The following PGPEP1 variants were observed in gnomAD, a reference collection of about 807,000 sequenced individuals.
PGPEP1 encodes the protein pyroglutamyl-peptidase 1.
PGPEP1 carries 15 observed loss-of-function variants against 24.1 expected under a neutral mutation model. The observed-to-expected ratio is 0.62, with a 90% CI of 0.42 to 0.96. The LOEUF is 0.96. PGPEP1 is among the 40% of genes least tolerant of loss of function. The pLI, the probability that PGPEP1 is intolerant of heterozygous loss-of-function variation, is 0.00. For missense variants in PGPEP1, 242 were observed against 273.4 expected (o/e 0.89, Z 0.81); for synonymous variants, 122 against 116.4 (o/e 1.05, Z -0.31).
At chr19:18,350,380 G>T (rs1391414178) in intron 2 of PGPEP1, among the ~76,000 whole-genome samples, 1 of 152,146 alleles carries the variant, frequency 6.6e-6, no homozygotes, top group Non-Finnish European at 1.5e-5. Context: ...GGAGATTAGG[G>T]GAAGACGCAT....
chr19:18,359,634 A>G (rs1971285996), intron 4 of PGPEP1, among the ~76,000 whole-genome samples: 1 of 151,960 alleles, frequency 6.6e-6, no homozygotes, highest in Non-Finnish European at 1.5e-5. Context: ...CAGCCTCCCA[A>G]GTAGCTGGGA....
chr19:18,361,418 C>T (rs1267879863), intron 4 of PGPEP1, among the ~76,000 whole-genome samples: 7 of 151,698 alleles, frequency 4.6e-5, no homozygotes, highest in Non-Finnish European at 8.8e-5. Context: ...GGATTACAGG[C>T]GTGAGCCACC....
intron 1 of PGPEP1, among the ~76,000 whole-genome samples, chr19:18,342,018 C>G (rs1219576032): frequency 6.6e-6 from 1 of 152,134 alleles, no homozygotes; most frequent in Non-Finnish European, 1.5e-5. Flanking sequence ...AGCGATTCTC[C>G]TGCCTCAGCC....
chr19:18,354,427 G>A (rs1379972943), intron 2 of PGPEP1, among the ~76,000 whole-genome samples: 3 of 151,806 alleles, frequency 2.0e-5, no homozygotes, highest in African/African-American at 4.8e-5. Flanking sequence ...CCCGGGAGGC[G>A]GAGCTTGCAG....
At chr19:18,354,961 CTTTTTT>C (rs761843314) in intron 2 of PGPEP1, among the ~76,000 whole-genome samples, 4 of 94,732 alleles carry the variant, frequency 4.2e-5, no homozygotes, top group African/African-American at 1.4e-4. Context: ...TAAGTCGATA[CTTTTTT>C]TTTTTTTTTT....
intron 4 of PGPEP1, among the ~76,000 whole-genome samples, chr19:18,358,759 C>A (rs888599759): frequency 2.0e-5 from 3 of 151,614 alleles, no homozygotes; most frequent in African/African-American, 7.3e-5. Flanking sequence ...GGATTACAGG[C>A]GTGCATCACC....
chr19:18,361,979 T>G lies in PGPEP1; in HGVS notation c.438-1412T>G, dbSNP rs149213064. 708 of 680,380 alleles carry G rather than the reference T, an allele frequency of 1.0e-3. 5 individuals are homozygous for G. In the African/African-American group the frequency reaches 0.013, roughly 13 times the overall value. 42.1% of individuals were successfully genotyped at this position (680,380 alleles called of 1,614,324 possible). On this transcript the variant is annotated intron_variant, in intron 4 of 4. Transcript: ENST00000269919. ...TTCCATGGTGTGGATAAACCAGAGT[T>G]TACTAAGCCACTCCCTGTCAGTGGG...
intron 2 of PGPEP1, among the ~76,000 whole-genome samples, chr19:18,352,105 A>G (rs1167198956): frequency 2.6e-5 from 4 of 151,868 alleles, no homozygotes; most frequent in Non-Finnish European, 4.4e-5. Context: ...CCCCGTCTCT[A>G]CTAAAAATAC....
At chr19:18,354,002 A>C (rs1971110976) in intron 2 of PGPEP1, among the ~76,000 whole-genome samples, 1 of 152,196 alleles carries the variant, frequency 6.6e-6, no homozygotes, top group African/African-American at 2.4e-5. Context: ...TGGGAGGCCA[A>C]GGCAGGTGAA....
rs865930991 is a variant in PGPEP1, at chr19:18,366,501, C to T, written c.*2918C>T. The T allele has an allele frequency of 8.6e-5, 13 of 152,014 alleles. No homozygotes were observed. The highest frequency in any genetic ancestry group is 3.1e-4 in the African/African-American group (13 of 41,392). The allele number at this position is 152,014 out of a possible 1,614,324, so 9.4% of individuals were successfully genotyped here. On this transcript the variant is annotated 3_prime_UTR_variant, in exon 5 of 5. Transcript: ENST00000269919. Reference sequence around the variant, plus strand: ...ATTTTTATTTTTTGAGATGGATTCTCACACTGTTACTCGGGCTAGAGTGCA... The same window carrying T: ...ATTTTTATTTTTTGAGATGGATTCTTACACTGTTACTCGGGCTAGAGTGCA...
At chr19:18,356,065 C>A in intron 3 of PGPEP1, 54 bp downstream of exon 3, 1 of 1,095,868 alleles carries the variant, frequency 9.1e-7, no homozygotes. Context: ...GGTTGGCACC[C>A]TTCATGTGGA....
chr19:18,358,151 G>A (rs753518878), intron 4 of PGPEP1: 10 of 165,744 alleles, frequency 6.0e-5, no homozygotes, highest in Admixed American at 3.4e-4. Flanking sequence ...TCCAGTCCCC[G>A]CCCCTATCCT....
Position 18,359,593 on chromosome 19 carries a change from C to T in PGPEP1, c.437+1978C>T, listed in dbSNP as rs567189857. ...CGCGATCTTGGCTCACTGCAACCTC[C>T]GCCTCTGACGTTCAAGTGATTCTCC... On this transcript the variant is annotated intron_variant, in intron 4 of 4. Coordinates refer to ENST00000269919, the MANE Select transcript of PGPEP1 (RefSeq NM_017712.4). Among the ~76,000 whole-genome samples, 3 of 151,976 alleles carry T rather than the reference C, an allele frequency of 2.0e-5. No individual in the cohort carries two copies. The East Asian group carries it at 5.8e-4, about 29-fold the overall frequency.
At position 18,368,695 on chromosome 19, in the gene PGPEP1, C is replaced by T. The variant is rs566221377; in HGVS notation, c.*5112C>T. The stretch of plus-strand genomic sequence containing the variant: ...AAATCTGTCCCGCACAGCTGGCCCC[C>T]TTTTGGCTGCCACTGTCTAGACTGT... On this transcript the variant is annotated 3_prime_UTR_variant, in exon 5 of 5. Coordinates refer to ENST00000269919, the MANE Select transcript of PGPEP1 (RefSeq NM_017712.4). The T allele has an allele frequency of 1.3e-5, 2 of 153,074 alleles. No homozygotes were observed. Among genetic ancestry groups the T allele is most frequent in the Non-Finnish European group, 2.9e-5 (2 of 68,388 alleles). The allele number at this position is 153,074 out of a possible 1,614,324, so 9.5% of individuals were successfully genotyped here. A position where few individuals can be genotyped will look rare whatever the true frequency, so the allele number is the denominator to read the frequency against.
chr19:18,356,440 A>AC (rs1161709693), intron 3 of PGPEP1, among the ~76,000 whole-genome samples: 1 of 145,608 alleles, frequency 6.9e-6, no homozygotes, highest in Non-Finnish European at 1.5e-5. Flanking sequence ...CTCAAAAAAA[A>AC]CAAAAAAACC....
intron 4 of PGPEP1, among the ~76,000 whole-genome samples, chr19:18,358,628 T>A (rs986052586): frequency 6.6e-6 from 1 of 151,022 alleles, no homozygotes; most frequent in Non-Finnish European, 1.5e-5. Context: ...CATTCTTTTT[T>A]TTTTGAGATG....
chr19:18,362,308 G>A (rs1971366159), intron 4 of PGPEP1, among the ~76,000 whole-genome samples: 1 of 152,156 alleles, frequency 6.6e-6, no homozygotes, highest in Admixed American at 6.5e-5. Flanking sequence ...TCGGGAGGCT[G>A]AGGCAGGAGA....
intron 1 of PGPEP1, among the ~76,000 whole-genome samples, chr19:18,342,492 G>T (rs541172539): frequency 6.6e-6 from 1 of 152,216 alleles, no homozygotes; most frequent in Non-Finnish European, 1.5e-5. Flanking sequence ...ATTTGGTGCC[G>T]ATTCAGGGCA....
At position 18,363,650 on chromosome 19, in the gene PGPEP1, G is replaced by T; in HGVS notation, c.*67G>T. The T allele has an allele frequency of 1.6e-6, 2 of 1,224,858 alleles. No individual in the cohort carries two copies. The highest frequency in any genetic ancestry group is 2.3e-6 in the Non-Finnish European group (2 of 865,762). The allele number at this position is 1,224,858 out of a possible 1,614,324, so 75.9% of individuals were successfully genotyped here. A position where few individuals can be genotyped will look rare whatever the true frequency, so the allele number is the denominator to read the frequency against. Reference sequence around the variant, plus strand: ...CCACGAGGGGACATCCACCCTCTGGGGTGTGGCCAGGAAAAGACAAGCTCT... The same window carrying T: ...CCACGAGGGGACATCCACCCTCTGGTGTGTGGCCAGGAAAAGACAAGCTCT... On this transcript the variant is annotated 3_prime_UTR_variant, in exon 5 of 5. Coordinates refer to ENST00000269919, the MANE Select transcript of PGPEP1 (RefSeq NM_017712.4).
Sources: gnomAD v4.1 joint callset for allele counts (sites outside exome capture counted in the v4.1 genomes callset) on GRCh38, gnomAD v4.1.1 for gene constraint, MANE v1.5 for transcripts, NCBI Gene and HGNC (gene_info 2026-07-23, HGNC 2026-07-21) for gene names.